Variants in ARHGEF4 observed in about 807,000 individuals in gnomAD.
ARHGEF4 encodes the protein Rho guanine nucleotide exchange factor 4.
ARHGEF4 carries 119 observed loss-of-function variants against 162.0 expected under a neutral mutation model. The observed-to-expected ratio is 0.73, with a 90% confidence interval of 0.63 to 0.86. ARHGEF4 has a LOEUF of 0.86. Among genes scored for constraint, ARHGEF4 ranks in the 40% least tolerant of loss-of-function variants. The pLI, the probability that ARHGEF4 is intolerant of heterozygous loss-of-function variation, is 0.00. For synonymous variants in ARHGEF4, 1,014 were observed against 979.9 expected, an observed-to-expected ratio of 1.03 and a Z score of -0.65; for missense variants, 2,488 against 2,456.0, an observed-to-expected ratio of 1.01 and a Z score of -0.28.
chr2:130,882,973 C>G (rs1270052765), intron 1 of ARHGEF4, among the ~76,000 whole-genome samples: 1 of 152,050 alleles, frequency 6.6e-6, no homozygotes, highest in South Asian at 2.1e-4. Flanking sequence ...TTTAAAAAGA[C>G]TTCTGGCTCC....
At chr2:130,838,687 G>C (rs1680388466) in intron 1 of ARHGEF4, among the ~76,000 whole-genome samples, 1 of 149,114 alleles carries the variant, frequency 6.7e-6, no homozygotes, top group Non-Finnish European at 1.5e-5. Context: ...AGAAACGTGA[G>C]TGTGTTTATG....
At chr2:131,044,625 G>A (rs1691094010) in intron 12 of ARHGEF4, 83 bp downstream of exon 12, 1 of 1,489,094 alleles carries the variant, frequency 6.7e-7, no homozygotes, top group African/African-American at 1.4e-5. Context: ...GGTCAGGAGA[G>A]CGCCGCTCAG....
chr2:130,985,271 C>A (rs1686405354), intron 4 of ARHGEF4, among the ~76,000 whole-genome samples: 1 of 152,118 alleles, frequency 6.6e-6, no homozygotes, highest in African/African-American at 2.4e-5. Flanking sequence ...GCTTCTGAGA[C>A]CCCAGGTCCA....
chr2:130,962,897 C>G (rs969370905), intron 4 of ARHGEF4, among the ~76,000 whole-genome samples: 11 of 152,140 alleles, frequency 7.2e-5, no homozygotes, highest in Admixed American at 2.6e-4. Flanking sequence ...CAAAGGGAGA[C>G]CAAGTCTCCC....
chr2:130,841,613 C>T (rs1029271016), intron 1 of ARHGEF4, among the ~76,000 whole-genome samples: 8 of 152,126 alleles, frequency 5.3e-5, no homozygotes, highest in Non-Finnish European at 1.0e-4. Flanking sequence ...GAAGGTCTTC[C>T]GTCATCATCT....
chr2:131,045,907 C>T, intron 13 of ARHGEF4, 131 bp from the exon 14 acceptor site: 8 of 1,495,906 alleles, frequency 5.3e-6, no homozygotes, highest in Non-Finnish European at 7.1e-6. Context: ...GGAGCAAGTC[C>T]TGTGTGGCAA....
intron 1 of ARHGEF4, among the ~76,000 whole-genome samples, chr2:130,853,491 A>G (rs1267763901): frequency 3.3e-5 from 5 of 152,294 alleles, no homozygotes; most frequent in Admixed American, 1.3e-4. Flanking sequence ...GCACACGGCC[A>G]GTCTTCACCT....
intron 1 of ARHGEF4, among the ~76,000 whole-genome samples, chr2:130,898,315 A>C (rs1339321199): frequency 2.0e-5 from 3 of 152,224 alleles, no homozygotes; most frequent in African/African-American, 7.2e-5. Flanking sequence ...TCCTGCACTC[A>C]GGCCTGGTGG....
chr2:130,953,532 C>T (rs1684082952), intron 4 of ARHGEF4, among the ~76,000 whole-genome samples: 1 of 152,126 alleles, frequency 6.6e-6, no homozygotes, highest in Non-Finnish European at 1.5e-5. Flanking sequence ...AAAGTAATGG[C>T]AACAAAAGCC....
Position 130,994,610 on chromosome 2 carries a change from A to G in ARHGEF4, c.3986-33335A>G, listed in dbSNP as rs561663832. ...AGTTCATGTTCATTTATGTTTTCCC[A>G]TATACTTGCATCTTCATCGCTCTTC... On this transcript the variant is annotated intron_variant, in intron 4 of 13. Transcript: ENST00000409359. Among the ~76,000 whole-genome samples, 4 of 152,150 alleles carry G rather than the reference A, an allele frequency of 2.6e-5. No individual in the cohort carries two copies. In the South Asian group the frequency reaches 8.3e-4, roughly 32 times the overall value.
rs528706914 is a variant in ARHGEF4, at chr2:130,865,801, C to A, written c.39+28809C>A. 4.6e-5 allele frequency among the ~76,000 whole-genome samples: 7 copies of A among 152,300 alleles called. No homozygotes were observed. In the South Asian group the frequency reaches 1.2e-3, roughly 27 times the overall value. On this transcript the variant is annotated intron_variant, in intron 1 of 13. Coordinates refer to ENST00000409359, the MANE Select transcript of ARHGEF4 (RefSeq NM_001367493.1). Reference sequence around the variant, plus strand: ...AGTTCTTAAATCATTCTGCATCCAGCTGGCTCTTGATCTCAGGCTGTGATC... The same window carrying A: ...AGTTCTTAAATCATTCTGCATCCAGATGGCTCTTGATCTCAGGCTGTGATC...
chr2:130,855,103 C>A (rs751459478), intron 1 of ARHGEF4, among the ~76,000 whole-genome samples: 2 of 151,890 alleles, frequency 1.3e-5, no homozygotes, highest in Non-Finnish European at 2.9e-5. Flanking sequence ...CCTCAATCTC[C>A]TGACCTTGTG....
intron 1 of ARHGEF4, among the ~76,000 whole-genome samples, chr2:130,872,346 A>G (rs772378004): frequency 2.1e-4 from 32 of 152,316 alleles, no homozygotes; most frequent in Middle Eastern, 6.8e-3. Flanking sequence ...CACCAGGAGC[A>G]TGCGACTGAC....
intron 1 of ARHGEF4, among the ~76,000 whole-genome samples, chr2:130,901,917 A>G (rs1680510832): frequency 6.6e-6 from 1 of 152,196 alleles, no homozygotes; most frequent in Non-Finnish European, 1.5e-5. Flanking sequence ...CCAGACAACA[A>G]GGACAGCCCT....
intron 1 of ARHGEF4, among the ~76,000 whole-genome samples, chr2:130,878,518 C>G (rs1679003413): frequency 6.6e-6 from 1 of 152,188 alleles, no homozygotes; most frequent in Admixed American, 6.5e-5. Flanking sequence ...TGAGGACAGT[C>G]CCTTCCTTTA....
intron 4 of ARHGEF4, among the ~76,000 whole-genome samples, chr2:130,980,087 A>T (rs1447248608): frequency 6.6e-6 from 1 of 152,206 alleles, no homozygotes; most frequent in East Asian, 1.9e-4. Flanking sequence ...ATAACTGTAA[A>T]CAAAAACATA....
At chr2:130,844,718 TTAAA>T (rs1430153754) in intron 1 of ARHGEF4, among the ~76,000 whole-genome samples, 3 of 151,958 alleles carry the variant, frequency 2.0e-5, no homozygotes, top group Non-Finnish European at 4.4e-5. Flanking sequence ...ATGTGAAAAT[TTAAA>T]TAAGAAAACC....
intron 1 of ARHGEF4, among the ~76,000 whole-genome samples, chr2:130,902,228 C>CTCCCTCCCTCCCTCTCTCCT (rs1158851456): frequency 6.6e-6 from 1 of 152,010 alleles, no homozygotes; most frequent in African/African-American, 2.4e-5. Flanking sequence ...GCTTTTAACC[C>CTCCCTCCCTCCCTCTCTCCT]TCCCTCCCTC....
At chr2:130,837,081 CG>C in intron 1 of ARHGEF4, 89 bp downstream of exon 1, 1 of 1,176,182 alleles carries the variant, frequency 8.5e-7, no homozygotes, top group Non-Finnish European at 1.1e-6. Flanking sequence ...TGCTGCGCCC[CG>C]GGCCGTCCCC....
Sources: gnomAD v4.1 joint callset for allele counts (sites outside exome capture counted in the v4.1 genomes callset) on GRCh38, gnomAD v4.1.1 for gene constraint, MANE v1.5 for transcripts, NCBI Gene and HGNC (gene_info 2026-07-23, HGNC 2026-07-21) for gene names.